Variants in USP24 observed in about 807,000 individuals in gnomAD.
USP24 encodes ubiquitin specific peptidase 24.
In USP24, 97 loss-of-function variants were observed where a neutral mutation model predicts 361.6. The ratio of observed to expected loss-of-function variants is 0.27; its 90% CI spans 0.23 to 0.32. The LOEUF is 0.32. Ranked by LOEUF, USP24 falls within the 10% of genes least tolerant of loss-of-function variation. The probability of loss-of-function intolerance (pLI) is 1.00; values close to 1 mark genes in which losing one functional copy is unlikely to be tolerated. For synonymous variants in USP24, 1,098 were observed against 1,124.6 expected (o/e 0.98, Z 0.47); for missense variants, 2,353 against 3,165.6 (o/e 0.74, Z 6.16).
chr1:55,117,742 C>CAAAA (rs58149121), intron 38 of USP24, among the ~76,000 whole-genome samples: 26 of 66,794 alleles, frequency 3.9e-4, no homozygotes, highest in Admixed American at 8.4e-4. Flanking sequence ...GACTCCGTCT[C>CAAAA]AAAAAAAAAA....
intron 1 of USP24, among the ~76,000 whole-genome samples, chr1:55,213,890 G>T (rs1055698052): frequency 6.6e-6 from 1 of 151,586 alleles, no homozygotes; most frequent in Non-Finnish European, 1.5e-5. Flanking sequence ...CCCCCACTGC[G>T]CTCCCACCCT....
intron 33 of USP24, 24 bp from the exon 34 acceptor site, chr1:55,125,572 A>T (rs538170503): frequency 6.2e-7 from 1 of 1,600,384 alleles, no homozygotes; most frequent in African/African-American, 1.3e-5. Context: ...AGCTAGACTT[A>T]TTCTGAGTCC....
chr1:55,202,183 T>TA (rs1415572736), intron 1 of USP24, among the ~76,000 whole-genome samples: 1 of 152,216 alleles, frequency 6.6e-6, no homozygotes, highest in Non-Finnish European at 1.5e-5. Context: ...AGGCAAGTGT[T>TA]ATATTTTCAG....
chr1:55,177,915 A>G, intron 2 of USP24, 52 bp downstream of exon 2: 1 of 1,501,830 alleles, frequency 6.7e-7, no homozygotes, highest in Non-Finnish European at 9.0e-7. Context: ...GATTAAACTC[A>G]GGCCTTCTAT....
chr1:55,135,449 G>A lies in USP24; in HGVS notation c.3202-1036C>T, dbSNP rs115600582. Among the ~76,000 whole-genome samples, 60 of 152,316 alleles carry A rather than the reference G, an allele frequency of 3.9e-4. 1 individual carries two copies. The highest frequency in any genetic ancestry group is 1.4e-3 in the African/African-American group (57 of 41,572). Reference sequence around the variant, plus strand: ...GCCTGACCTCATGTAACCGATCTCAGTCAAAATCTTGTTTCATGCACAAAA... The same window carrying A: ...GCCTGACCTCATGTAACCGATCTCAATCAAAATCTTGTTTCATGCACAAAA... On this transcript the variant is annotated intron_variant, in intron 28 of 67. Coordinates refer to ENST00000294383, the MANE Select transcript of USP24 (RefSeq NM_015306.3).
At chr1:55,098,452 T>A in intron 46 of USP24, 24 bp downstream of exon 46, 1 of 1,586,170 alleles carries the variant, frequency 6.3e-7, no homozygotes, top group Non-Finnish European at 8.6e-7. Flanking sequence ...TCATTTTTCC[T>A]GTGTCGGTGA....
At chr1:55,070,152 A>T (rs1489446489) in intron 67 of USP24, among the ~76,000 whole-genome samples, 1 of 151,980 alleles carries the variant, frequency 6.6e-6, no homozygotes, top group Non-Finnish European at 1.5e-5. Flanking sequence ...TGAGATAAGG[A>T]ACACTGACGG....
intron 38 of USP24, among the ~76,000 whole-genome samples, chr1:55,111,343 G>GT (rs1182772440): frequency 4.7e-4 from 71 of 152,022 alleles, no homozygotes; most frequent in African/African-American, 1.5e-3. Flanking sequence ...TAAAACTCTC[G>GT]TCTAATGCTT....
At chr1:55,145,250 C>T (rs1646997537) in intron 20 of USP24, among the ~76,000 whole-genome samples, 1 of 152,078 alleles carries the variant, frequency 6.6e-6, no homozygotes, top group Non-Finnish European at 1.5e-5. Flanking sequence ...AAAGTGGCAA[C>T]AATCAAAATG....
chr1:55,069,275 A>T (rs1380059609), intron 67 of USP24, among the ~76,000 whole-genome samples, 168 bp from the exon 68 acceptor site: 1 of 152,256 alleles, frequency 6.6e-6, no homozygotes, highest in Non-Finnish European at 1.5e-5. Flanking sequence ...ACAATTCATG[A>T]TTATGTAAAA....
At chr1:55,098,622 T>C (rs1365802581) in intron 45 of USP24, 64 bp from the exon 46 acceptor site, 1 of 1,175,186 alleles carries the variant, frequency 8.5e-7, no homozygotes, top group Non-Finnish European at 1.3e-6. Flanking sequence ...TACAGAATTT[T>C]ATTAACACAT....
In USP24 at chr1:55,142,758, C is replaced by T. The variant is rs754291592; in HGVS notation, c.2618G>A (p.Cys873Tyr). ...VSLHKKFIADCYTRLEAASSA... is the reference protein window; with the variant it reads ...VSLHKKFIADYYTRLEAASSA... ...GCTACTCACTTCTAATCTTGTGTAG[C>T]AATCAGCAATGAATTTCTTATGTAA... The change falls in exon 23 of 68, where the codon TGC (cysteine) becomes TAC (tyrosine). Residue 873 changes from cysteine (C) to tyrosine (Y), a missense_variant. Physicochemically the swap from Cys to Tyr is radical, Grantham distance 194 (BLOSUM62 -2). Coordinates refer to ENST00000294383, the MANE Select transcript of USP24 (RefSeq NM_015306.3). 6.4e-7 allele frequency: 1 copy of T among 1,551,218 alleles called. No individual in the cohort carries two copies. The highest frequency in any genetic ancestry group is 1.2e-5 in the South Asian group (1 of 81,840).
At chr1:55,162,140 G>A in intron 8 of USP24, 59 bp downstream of exon 8, 1 of 1,480,382 alleles carries the variant, frequency 6.8e-7, no homozygotes, top group Non-Finnish European at 9.1e-7. Flanking sequence ...ATAAAAAGAA[G>A]TTATTACTGT....
intron 9 of USP24, 129 bp from the exon 10 acceptor site, chr1:55,159,165 T>A: frequency 1.2e-6 from 1 of 834,780 alleles, no homozygotes. Flanking sequence ...CAAGGCCAAT[T>A]AACTTCATTT....
chr1:55,157,304 ATCTG>A lies in USP24; in HGVS notation c.1290_1293del (p.Arg431TyrfsTer2). The A allele has an allele frequency of 6.2e-7, 1 of 1,602,996 alleles. No individual in the cohort carries two copies. Among genetic ancestry groups the A allele is most frequent in the Non-Finnish European group, 8.5e-7 (1 of 1,177,078 alleles). On this transcript the variant is annotated frameshift_variant, in exon 11 of 68. Transcript: ENST00000294383. LOFTEE classifies it high-confidence loss of function. ...GAGTTTTCAACTAGCCAATCTAATA[ATCTG>A]TCTGTATCTATAGCATTCTTCACAG...
Position 55,083,900 on chromosome 1 carries a change from A to G in USP24, c.6766-12T>C. The G allele has an allele frequency of 6.4e-7, 1 of 1,558,848 alleles. No individual in the cohort carries two copies. The highest frequency in any genetic ancestry group is 8.7e-7 in the Non-Finnish European group (1 of 1,147,830). On this transcript the variant is annotated splice_polypyrimidine_tract_variant and intron_variant, in intron 56 of 67. Coordinates refer to ENST00000294383, the MANE Select transcript of USP24 (RefSeq NM_015306.3). ...TGAAGGCTTTTTAACTGGTTAGAGG[A>G]AAGATAAAATTACATGAAGAAAAAG...
intron 54 of USP24, among the ~76,000 whole-genome samples, chr1:55,090,683 C>T: frequency 6.6e-6 from 1 of 152,208 alleles, no homozygotes; most frequent in East Asian, 1.9e-4. Flanking sequence ...TAGGTATATT[C>T]TACAAACCAC....
chr1:55,138,850 G>T, intron 25 of USP24, 94 bp downstream of exon 25: 2 of 1,383,806 alleles, frequency 1.4e-6, no homozygotes, highest in Non-Finnish European at 2.0e-6. Flanking sequence ...GTGGTGGTGT[G>T]TGCTAAACTC....
At chr1:55,099,605 C>A (rs541039835) in intron 45 of USP24, among the ~76,000 whole-genome samples, 166 bp downstream of exon 45, 2 of 152,066 alleles carry the variant, frequency 1.3e-5, no homozygotes, top group East Asian at 3.9e-4. Context: ...TTCTATTGAT[C>A]TGTGTTATGT....
Sources: gnomAD v4.1 joint callset for allele counts (sites outside exome capture counted in the v4.1 genomes callset) on GRCh38, gnomAD v4.1.1 for gene constraint, MANE v1.5 for transcripts, NCBI Gene and HGNC (gene_info 2026-07-23, HGNC 2026-07-21) for gene names.